The following RPGR variants were observed in gnomAD, a reference collection of about 807,000 sequenced individuals.
The protein encoded by RPGR is retinitis pigmentosa GTPase regulator, also known as X-linked retinitis pigmentosa GTPase regulator.
Under a neutral mutation model 56.3 loss-of-function variants are expected in RPGR, and 10 were observed. That is an observed-to-expected ratio of 0.18 (90% CI 0.11 to 0.30). The LOEUF (loss-of-function observed/expected upper bound fraction) is 0.30, where lower values mean the gene tolerates loss of function less well. RPGR is among the 10% of genes least tolerant of loss of function. The pLI is 1.00. For synonymous variants in RPGR, 197 were observed against 212.9 expected, an observed-to-expected ratio of 0.93 and a Z score of 0.65; for missense variants, 538 against 590.9, an observed-to-expected ratio of 0.91 and a Z score of 0.93.
At chrX:38,291,173 G>A in intron 12 of RPGR, 149 bp from the exon 13 acceptor site, 1 of 239,533 alleles carries the variant, frequency 4.2e-6, no homozygotes, top group Non-Finnish European at 7.2e-6. Flanking sequence ...AGTTCAGATA[G>A]TAATAGAATC....
rs1463118503 is a variant in RPGR at position 38,285,595 on chromosome X, G to A, written c.1905+1499C>T. 2 of 1,211,508 alleles carry A rather than the reference G, an allele frequency of 1.7e-6. No homozygotes were observed. The highest frequency in any genetic ancestry group is 1.7e-5 in the African/African-American group (1 of 57,715). ...ATTATTCCAGAACTTTTTGGAACCT[G>A]ATGGCCCGTTTTTTAAAAGTCGTTT... On this transcript the variant is annotated intron_variant, in intron 15 of 18. Transcript: ENST00000642395.
chrX:38,285,600 C>T lies in RPGR; in HGVS notation c.1905+1494G>A, dbSNP rs562712159. 6.6e-6 allele frequency: 8 copies of T among 1,211,437 alleles called. 1 individual carries two copies. In the South Asian group the frequency reaches 1.2e-4, roughly 19 times the overall value. ...TCCAGAACTTTTTGGAACCTGATGG[C>T]CCGTTTTTTAAAAGTCGTTTTGACT... On this transcript the variant is annotated intron_variant, in intron 15 of 18. Transcript: ENST00000642395.
At chrX:38,323,281 T>TA in intron 2 of RPGR, 118 bp downstream of exon 2, 1 of 745,119 alleles carries the variant, frequency 1.3e-6, no homozygotes, top group Non-Finnish European at 2.0e-6. Context: ...TCCAGCAAAG[T>TA]AAAAAACAAC....
chrX:38,291,307 A>G (rs2067275484), intron 12 of RPGR, 86 bp downstream of exon 12: 1 of 562,888 alleles, frequency 1.8e-6, no homozygotes, highest in African/African-American at 2.3e-5. Context: ...CATGCATATA[A>G]GAGTATAGGA....
intron 16 of RPGR, among the ~76,000 whole-genome samples, chrX:38,276,053 C>G (rs138781369): frequency 0.02 from 2,205 of 111,826 alleles, 38 homozygotes; most frequent in Middle Eastern, 0.042. Context: ...TTCTCTAGCT[C>G]CACTTTCAGG....
At chrX:38,326,664 C>A (rs1023965560) in intron 1 of RPGR, 2 of 111,590 alleles carry the variant, frequency 1.8e-5, no homozygotes, top group Non-Finnish European at 3.8e-5. Flanking sequence ...TACCCCACAG[C>A]CCTGATCACT....
In RPGR at chrX:38,313,731, TCTCCCAGAGTGGTTGGGAGA is replaced by T. The variant is rs745972452; in HGVS notation, c.620-2978_620-2959del. Among the ~76,000 whole-genome samples, 35 of 111,669 alleles carry T rather than the reference TCTCCCAGAGTGGTTGGGAGA, an allele frequency of 3.1e-4. 1 individual carries two copies. The East Asian group carries it at 6.2e-3, about 20-fold the overall frequency. ...ATGGAATCTCAGATACCACCACCTC[TCTCCCAGAGTGGTTGGGAGA>T]TTAAATGAAATATATTCGTACTTGA... On this transcript the variant is annotated intron_variant, in intron 6 of 18. Coordinates refer to ENST00000642395, the MANE Select transcript of RPGR (RefSeq NM_000328.3).
intron 1 of RPGR, chrX:38,326,640 C>T (rs2068050657): frequency 1.8e-5 from 2 of 111,583 alleles, no homozygotes; most frequent in East Asian, 5.6e-4. Context: ...CAATTTATTT[C>T]CTGTATCCCC....
intron 14 of RPGR, chrX:38,287,557 T>C: frequency 2.0e-6 from 1 of 505,423 alleles, no homozygotes; most frequent in South Asian, 2.5e-5. Flanking sequence ...ATCTTTATTT[T>C]CTTCACTCTC....
intron 7 of RPGR, among the ~76,000 whole-genome samples, chrX:38,306,299 T>C (rs1202178515): frequency 8.9e-6 from 1 of 112,227 alleles, no homozygotes; most frequent in African/African-American, 3.2e-5. Flanking sequence ...AATCCCTATC[T>C]AACAGAGGTG....
chrX:38,269,404 A>T lies in RPGR; in HGVS notation c.*222T>A. 1 of 349,953 alleles carries T rather than the reference A, an allele frequency of 2.9e-6. No individual in the cohort carries two copies. 28.8% of individuals were successfully genotyped at this position (349,953 alleles called of 1,213,427 possible). On this transcript the variant is annotated 3_prime_UTR_variant, in exon 19 of 19. Transcript: ENST00000642395. ...GCAATACTGAACAGTTAAGGCCACAACACTTTAGGGAGAATTTGAGATACA... is the reference window on the plus strand; with the variant it reads ...GCAATACTGAACAGTTAAGGCCACATCACTTTAGGGAGAATTTGAGATACA...
intron 7 of RPGR, 139 bp from the exon 8 acceptor site, chrX:38,304,929 T>C: frequency 3.8e-6 from 2 of 520,908 alleles, no homozygotes; most frequent in Non-Finnish European, 6.6e-6. Flanking sequence ...TTAAGAATAC[T>C]TAATATTGAA....
At position 38,279,137 on chromosome X, in the gene RPGR, C is replaced by T. The variant is rs41305371; in HGVS notation, c.1906-2365G>A. On this transcript the variant is annotated intron_variant, in intron 15 of 18. Transcript: ENST00000642395. ...TAAAATTATTCTAAACACATCTGGA[C>T]GACTACTTGAAGTCACAGAAAGCAC... 1.5e-3 allele frequency: 504 copies of T among 328,763 alleles called. 2 individuals carry two copies. The highest frequency in any genetic ancestry group is 6.8e-3 in the South Asian group (260 of 38,091). The allele number at this position is 328,763 out of a possible 1,213,427, so 27.1% of individuals were successfully genotyped here.
chrX:38,284,341 T>C, intron 15 of RPGR, 67 bp downstream of exon 15: 1 of 428,748 alleles, frequency 2.3e-6, no homozygotes, highest in Non-Finnish European at 2.9e-6. Context: ...AGTGGAAATC[T>C]AGCCTCTCTA....
chrX:38,269,582 T>C lies in RPGR; in HGVS notation c.*44A>G, dbSNP rs367795047. The stretch of plus-strand genomic sequence containing the variant: ...CATAAGTTATAACATTTTTCAAGTA[T>C]ACATTACAATACACTTGGTGACTGT... On this transcript the variant is annotated 3_prime_UTR_variant, in exon 19 of 19. Coordinates refer to ENST00000642395, the MANE Select transcript of RPGR (RefSeq NM_000328.3). 14 of 948,913 alleles carry C rather than the reference T, an allele frequency of 1.5e-5. No homozygotes were observed. The highest frequency in any genetic ancestry group is 6.7e-4 in the Middle Eastern group (2 of 3,005). 78.2% of individuals were successfully genotyped at this position (948,913 alleles called of 1,213,427 possible).
chrX:38,317,167 T>C, intron 6 of RPGR, 149 bp downstream of exon 6: 4 of 521,476 alleles, frequency 7.7e-6, no homozygotes, highest in Non-Finnish European at 1.3e-5. Flanking sequence ...AATGGGGAAA[T>C]ACTGTGACCT....
chrX:38,308,674 C>T (rs2067650836), intron 7 of RPGR, among the ~76,000 whole-genome samples: 2 of 111,397 alleles, frequency 1.8e-5, no homozygotes, highest in Non-Finnish European at 3.8e-5. Flanking sequence ...AAATTAATTT[C>T]AAAGTTTAAT....
chrX:38,275,151 A>G lies in RPGR; in HGVS notation c.2092-5T>C. ...CTCTAGGTTGGCTTTTTCTTTCTAT[A>G]AACAATAACAAAGCAATATAACAAA... On this transcript the variant is annotated splice_region_variant and splice_polypyrimidine_tract_variant and intron_variant, in intron 16 of 18. Transcript: ENST00000642395. 8.3e-7 allele frequency: 1 copy of G among 1,200,389 alleles called. No individual in the cohort carries two copies.
intron 1 of RPGR, among the ~76,000 whole-genome samples, chrX:38,324,506 G>T (rs2068007392): frequency 9.1e-6 from 1 of 109,686 alleles, no homozygotes; most frequent in East Asian, 2.9e-4. Context: ...TCTTTCATTC[G>T]AACTAAGGGA....
Sources: allele counts gnomAD v4.1 joint callset (sites outside exome capture counted in the v4.1 genomes callset), GRCh38; gene constraint gnomAD v4.1.1; transcripts MANE v1.5; gene names NCBI Gene and HGNC (gene_info 2026-07-23, HGNC 2026-07-21).